MYO1B: variants seen among roughly 807,000 people sequenced by gnomAD.
The protein encoded by MYO1B is unconventional myosin-Ib.
MYO1B carries 72 observed loss-of-function variants against 159.7 expected under a neutral mutation model. The ratio of observed to expected loss-of-function variants is 0.45; its 90% CI spans 0.37 to 0.55. MYO1B has a LOEUF of 0.55. Ranked by LOEUF, MYO1B falls within the 20% of genes least tolerant of loss-of-function variation. MYO1B has a pLI of 0.00. For synonymous variants in MYO1B, 468 were observed against 473.8 expected (o/e 0.99, Z 0.16); for missense variants, 1,062 against 1,364.8 (o/e 0.78, Z 3.50).
At chr2:191,387,796 GA>G (rs1695482887) in intron 17 of MYO1B, 1 of 320,240 alleles carries the variant, frequency 3.1e-6, no homozygotes, top group South Asian at 3.3e-5. Context: ...GTGTTTTGCA[GA>G]AAACTCTTGT....
chr2:191,296,480 A>C (rs1298061662), intron 3 of MYO1B, among the ~76,000 whole-genome samples: 2 of 152,222 alleles, frequency 1.3e-5, no homozygotes, highest in Non-Finnish European at 2.9e-5. Context: ...AATTCTTTGC[A>C]AGTAGCAGCT....
At chr2:191,305,026 G>T (rs1689564220) in intron 3 of MYO1B, among the ~76,000 whole-genome samples, 2 of 152,188 alleles carry the variant, frequency 1.3e-5, no homozygotes, top group Admixed American at 6.6e-5. Flanking sequence ...GAGAAGTTCT[G>T]CAACATCCTG....
chr2:191,325,837 CAG>C (rs1354745055), intron 3 of MYO1B, among the ~76,000 whole-genome samples: 2 of 151,920 alleles, frequency 1.3e-5, no homozygotes. Flanking sequence ...TCCACCGTGA[CAG>C]AAAATAACAG....
At chr2:191,413,026 A>T (rs953856119) in intron 27 of MYO1B, among the ~76,000 whole-genome samples, 2 of 152,182 alleles carry the variant, frequency 1.3e-5, no homozygotes, top group Non-Finnish European at 2.9e-5. Context: ...TGATTGTTCC[A>T]TGTGATGAGA....
At chr2:191,271,370 C>G (rs1687444730) in intron 1 of MYO1B, among the ~76,000 whole-genome samples, 1 of 151,940 alleles carries the variant, frequency 6.6e-6, no homozygotes, top group African/African-American at 2.4e-5. Flanking sequence ...ACTCTTTTGG[C>G]TTTGTTTTAA....
intron 4 of MYO1B, among the ~76,000 whole-genome samples, chr2:191,339,290 G>A (rs1454944005): frequency 2.6e-5 from 4 of 152,182 alleles, no homozygotes; most frequent in Non-Finnish European, 5.9e-5. Flanking sequence ...GGACTAGAGG[G>A]TAGAGGGCAA....
chr2:191,362,916 G>A (rs1693765003), intron 9 of MYO1B, among the ~76,000 whole-genome samples: 1 of 152,196 alleles, frequency 6.6e-6, no homozygotes, highest in Admixed American at 6.5e-5. Context: ...GTGGTGATGG[G>A]GAAAGGGGAG....
chr2:191,283,226 A>G (rs1036282478), intron 2 of MYO1B, among the ~76,000 whole-genome samples: 2 of 152,230 alleles, frequency 1.3e-5, no homozygotes, highest in African/African-American at 2.4e-5. Context: ...CCAAACTTAG[A>G]GAGTTTTTTC....
chr2:191,336,914 A>G (rs1691891519), intron 4 of MYO1B, among the ~76,000 whole-genome samples: 1 of 137,270 alleles, frequency 7.3e-6, no homozygotes, highest in African/African-American at 2.6e-5. Flanking sequence ...ATAAATGTGT[A>G]CGAATAAATG....
At chr2:191,316,611 A>C (rs1316597682) in intron 3 of MYO1B, among the ~76,000 whole-genome samples, 1 of 152,238 alleles carries the variant, frequency 6.6e-6, no homozygotes, top group African/African-American at 2.4e-5. Flanking sequence ...CAATTTATAA[A>C]AATTTTAGGG....
At chr2:191,295,883 G>A (rs1688954274) in intron 2 of MYO1B, among the ~76,000 whole-genome samples, 2 of 152,010 alleles carry the variant, frequency 1.3e-5, no homozygotes, top group South Asian at 4.1e-4. Context: ...TACTTTGAAA[G>A]GATTTTAAAT....
At chr2:191,301,006 G>A (rs1002504025) in intron 3 of MYO1B, among the ~76,000 whole-genome samples, 3 of 152,020 alleles carry the variant, frequency 2.0e-5, no homozygotes, top group African/African-American at 7.3e-5. Flanking sequence ...TTGTGGGTCT[G>A]TTAGTCCCCC....
rs532572214 is a variant in MYO1B at position 191,264,783 on chromosome 2, C to G, written c.-9-12104C>G. On this transcript the variant is annotated intron_variant, in intron 1 of 30. Coordinates refer to ENST00000392318, the MANE Select transcript of MYO1B (RefSeq NM_001130158.3). ...TTTTGGTTTTTAACATTCTCTATAA[C>G]CAGATCTAGGATGCATGCTCATCCC... is the stretch of plus-strand genomic sequence containing the variant. Among the ~76,000 whole-genome samples the G allele has an allele frequency of 3.2e-3, 479 of 151,248 alleles. 2 individuals carry two copies. The highest frequency in any genetic ancestry group is 4.9e-3 in the Non-Finnish European group (334 of 67,872).
chr2:191,414,766 C>T (rs1352999999), intron 29 of MYO1B, 97 bp downstream of exon 29: 5 of 1,352,180 alleles, frequency 3.7e-6, no homozygotes, highest in South Asian at 1.9e-5. Context: ...ATATATCTGC[C>T]TTGCTAATTT....
chr2:191,406,618 G>A lies in MYO1B; in HGVS notation c.2557-1497G>A, dbSNP rs541864486. On this transcript the variant is annotated intron_variant, in intron 24 of 30. Transcript: ENST00000392318. ...AGAGAGATGGGAGAATGGCCAATGG[G>A]TGGAGCAGTCAGAATACACACACTG... 5.9e-5 allele frequency among the ~76,000 whole-genome samples: 9 copies of A among 152,312 alleles called. No homozygotes were observed. The South Asian group carries it at 1.9e-3, about 32-fold the overall frequency.
At chr2:191,258,265 AT>A (rs1165271990) in intron 1 of MYO1B, among the ~76,000 whole-genome samples, 2 of 152,260 alleles carry the variant, frequency 1.3e-5, no homozygotes, top group African/African-American at 4.8e-5. Context: ...GTAGGCAATT[AT>A]AACACAGTAG....
chr2:191,343,249 G>T (rs1692339079), intron 5 of MYO1B, among the ~76,000 whole-genome samples: 1 of 152,196 alleles, frequency 6.6e-6, no homozygotes, highest in African/African-American at 2.4e-5. Flanking sequence ...GGAAGGATGA[G>T]ATTCAACACG....
chr2:191,282,507 TAAC>T lies in MYO1B; in HGVS notation c.135+5480_135+5482del, dbSNP rs367549027. Reference sequence around the variant, plus strand: ...TTTAAAGGTTTTTTAAATTACAAAATAACAAATGCTTTTGGGAAAAAAAAATTT... The same window carrying T: ...TTTAAAGGTTTTTTAAATTACAAAATAAATGCTTTTGGGAAAAAAAAATTT... On this transcript the variant is annotated intron_variant, in intron 2 of 30. Coordinates refer to ENST00000392318, the MANE Select transcript of MYO1B (RefSeq NM_001130158.3). Among the ~76,000 whole-genome samples, 98 of 152,232 alleles carry T rather than the reference TAAC, an allele frequency of 6.4e-4. 1 individual carries two copies. In the East Asian group the frequency reaches 0.013, roughly 21 times the overall value.
intron 7 of MYO1B, 66 bp from the exon 8 acceptor site, chr2:191,360,565 G>C: frequency 1.0e-6 from 1 of 979,186 alleles, no homozygotes; most frequent in Non-Finnish European, 1.5e-6. Context: ...AAGTGAGAAG[G>C]AAAAAAAGCA....
Sources: allele counts gnomAD v4.1 joint callset (sites outside exome capture counted in the v4.1 genomes callset), GRCh38; gene constraint gnomAD v4.1.1; transcripts MANE v1.5; gene names NCBI Gene and HGNC (gene_info 2026-07-23, HGNC 2026-07-21).